The following SGCD variants were observed in gnomAD, a reference collection of about 807,000 sequenced individuals.
SGCD encodes sarcoglycan delta.
Under a neutral mutation model 36.6 loss-of-function variants are expected in SGCD, and 18 were observed. The observed-to-expected ratio is 0.49, with a 90% CI of 0.34 to 0.73. The LOEUF is 0.73. SGCD is among the 30% of genes least tolerant of loss of function. The pLI is 0.01. For missense variants in SGCD, 387 were observed against 346.7 expected, an observed-to-expected ratio of 1.12 and a Z score of -0.92; for synonymous variants, 133 against 130.6, an observed-to-expected ratio of 1.02 and a Z score of -0.12.
At chr5:156,648,880 T>C (rs1763341188) in intron 7 of SGCD, among the ~76,000 whole-genome samples, 1 of 152,150 alleles carries the variant, frequency 6.6e-6, no homozygotes, top group African/African-American at 2.4e-5. Flanking sequence ...TTCGTGTCTG[T>C]GATGGAAGAG....
At chr5:155,877,829 C>G (rs1755797602) in intron 1 of SGCD, among the ~76,000 whole-genome samples, 1 of 152,038 alleles carries the variant, frequency 6.6e-6, no homozygotes, top group Non-Finnish European at 1.5e-5. Context: ...CAAGACTTAT[C>G]AGAGCCTTCA....
At chr5:156,548,165 T>G (rs1193535417) in intron 4 of SGCD, among the ~76,000 whole-genome samples, 9 of 152,214 alleles carry the variant, frequency 5.9e-5, no homozygotes. Flanking sequence ...AATCCTCTTT[T>G]TAGGTGTTAA....
At chr5:155,981,945 A>T (rs1758237281) in intron 1 of SGCD, among the ~76,000 whole-genome samples, 1 of 152,184 alleles carries the variant, frequency 6.6e-6, no homozygotes. Flanking sequence ...TAGTACCTAC[A>T]ACAGGACATG....
chr5:155,878,192 C>A (rs576417760), intron 1 of SGCD, among the ~76,000 whole-genome samples: 2 of 152,050 alleles, frequency 1.3e-5, no homozygotes, highest in Non-Finnish European at 2.9e-5. Flanking sequence ...AGTGATATAA[C>A]CTGCAGGAAT....
At chr5:155,933,591 G>A (rs1236448358) in intron 1 of SGCD, among the ~76,000 whole-genome samples, 1 of 152,142 alleles carries the variant, frequency 6.6e-6, no homozygotes, top group Admixed American at 6.5e-5. Flanking sequence ...ATGCATAGTG[G>A]CCAAGTGCAT....
intron 3 of SGCD, among the ~76,000 whole-genome samples, chr5:156,251,510 T>G (rs1765575948): frequency 7.6e-6 from 1 of 131,022 alleles, no homozygotes; most frequent in African/African-American, 2.8e-5. Flanking sequence ...AGATTTTATA[T>G]TATTTATACT....
chr5:156,601,314 A>G (rs906469981), intron 6 of SGCD, among the ~76,000 whole-genome samples: 1 of 152,206 alleles, frequency 6.6e-6, no homozygotes, highest in Non-Finnish European at 1.5e-5. Context: ...ATTTTTATAT[A>G]TAGTGAGAGG....
At chr5:155,776,977 C>T in the SGCD span, among the ~76,000 whole-genome samples, 1 of 152,104 alleles carries the variant, frequency 6.6e-6, no homozygotes, top group Non-Finnish European at 1.5e-5. Context: ...CTTATAAAAA[C>T]ACTACTATAA....
intron 7 of SGCD, among the ~76,000 whole-genome samples, chr5:156,706,755 A>G (rs1754760253): frequency 6.6e-6 from 1 of 152,164 alleles, no homozygotes; most frequent in Admixed American, 6.5e-5. Flanking sequence ...ACTAAGGCCC[A>G]TTCTCAGGAA....
At chr5:156,461,660 T>C (rs1438297349) in intron 3 of SGCD, among the ~76,000 whole-genome samples, 1 of 152,146 alleles carries the variant, frequency 6.6e-6, no homozygotes, top group Non-Finnish European at 1.5e-5. Flanking sequence ...ATAAGGACTC[T>C]ACTCTGGAGT....
At chr5:156,218,619 T>C (rs530990502) in intron 3 of SGCD, among the ~76,000 whole-genome samples, 29 of 152,284 alleles carry the variant, frequency 1.9e-4, no homozygotes, top group African/African-American at 6.5e-4. Context: ...GGCCTGAATT[T>C]TGTGTGAGAA....
At chr5:156,385,634 C>G (rs17053519) in intron 3 of SGCD, among the ~76,000 whole-genome samples, 1,926 of 152,276 alleles carry the variant, frequency 0.013, 47 homozygotes, top group African/African-American at 0.045. Context: ...TGGGAACTCT[C>G]TCTGGAGGAG....
At chr5:155,911,044 A>T (rs1378386100) in intron 1 of SGCD, among the ~76,000 whole-genome samples, 1 of 152,100 alleles carries the variant, frequency 6.6e-6, no homozygotes, top group Non-Finnish European at 1.5e-5. Flanking sequence ...ATGTTAGCGG[A>T]ATAGCAATGC....
chr5:156,361,750 T>C (rs1769806051), intron 3 of SGCD, among the ~76,000 whole-genome samples: 2 of 152,352 alleles, frequency 1.3e-5, no homozygotes, highest in South Asian at 4.1e-4. Context: ...ACATTATTGC[T>C]GGTTCAACTT....
At chr5:156,032,759 C>A (rs1422579314) in intron 1 of SGCD, among the ~76,000 whole-genome samples, 1 of 134,130 alleles carries the variant, frequency 7.5e-6, no homozygotes, top group African/African-American at 2.8e-5. Flanking sequence ...CCCAAATACA[C>A]CTAGCACCAG....
At chr5:156,609,787 C>G (rs556853179) in intron 6 of SGCD, among the ~76,000 whole-genome samples, 83 of 152,206 alleles carry the variant, frequency 5.5e-4, no homozygotes, top group Non-Finnish European at 9.0e-4. Context: ...CACTTCATTT[C>G]ATTCATTTGA....
chr5:156,071,889 C>A (rs955091131), intron 1 of SGCD, among the ~76,000 whole-genome samples: 2 of 152,072 alleles, frequency 1.3e-5, no homozygotes, highest in Non-Finnish European at 2.9e-5. Flanking sequence ...ATGTAATGGC[C>A]TTCTTTGTCT....
At position 156,067,894 on chromosome 5, in the gene SGCD, C is replaced by T. The variant is rs1263426665; in HGVS notation, c.-281-49984C>T. Among the ~76,000 whole-genome samples the T allele has an allele frequency of 6.2e-5, 8 of 129,346 alleles. 2 individuals carry two copies. The highest frequency in any genetic ancestry group is 2.7e-4 in the African/African-American group (6 of 22,024). The allele number at this position is 129,346 out of a possible 152,430, so 84.9% of individuals were successfully genotyped here. On this transcript the variant is annotated intron_variant, in intron 1 of 9. Transcript: ENST00000517913. ...CCTCAGATGGAAATGCAGAAATCAC[C>T]GTCTTCTGCGTCGCTCACGCTGGGA... is the stretch of plus-strand genomic sequence containing the variant.
In SGCD at chr5:156,307,552, G is replaced by GTTT; in HGVS notation, c.-43-21980_-43-21979insTTT. Among the ~76,000 whole-genome samples the GTTT allele has an allele frequency of 8.1e-4, 39 of 48,414 alleles. 1 individual carries two copies. Among genetic ancestry groups the GTTT allele is most frequent in the African/African-American group, 2.9e-3 (32 of 10,878 alleles). The allele number at this position is 48,414 out of a possible 152,430, so 31.8% of individuals were successfully genotyped here. A position where few individuals can be genotyped will look rare whatever the true frequency, so the allele number is the denominator to read the frequency against. ...CTTCTTGTCTGTATACATTTTAACT[G>GTTT]TTGTTTTTTTTTTTTTTTTTTTTTT... On this transcript the variant is annotated intron_variant, in intron 3 of 9. Coordinates refer to the SGCD transcript ENST00000517913.
Sources: allele counts gnomAD v4.1 joint callset (sites outside exome capture counted in the v4.1 genomes callset), GRCh38; gene constraint gnomAD v4.1.1; transcripts MANE v1.5; gene names NCBI Gene and HGNC (gene_info 2026-07-23, HGNC 2026-07-21).